Variants in SGCD observed in about 807,000 individuals in gnomAD.
The protein encoded by SGCD is sarcoglycan delta, also known as delta-sarcoglycan.
Under a neutral mutation model 36.6 loss-of-function variants are expected in SGCD, and 18 were observed. The ratio of observed to expected loss-of-function variants is 0.49; its 90% CI spans 0.34 to 0.73. The LOEUF is 0.73. Among genes scored for constraint, SGCD ranks in the 30% least tolerant of loss-of-function variants. The pLI, the probability that SGCD is intolerant of heterozygous loss-of-function variation, is 0.01. For synonymous variants in SGCD, 133 were observed against 130.6 expected, an observed-to-expected ratio of 1.02 and a Z score of -0.12; for missense variants, 387 against 346.7, an observed-to-expected ratio of 1.12 and a Z score of -0.92.
intron 1 of SGCD, among the ~76,000 whole-genome samples, chr5:155,894,853 A>G (rs1756212582): frequency 6.6e-6 from 1 of 152,156 alleles, no homozygotes; most frequent in African/African-American, 2.4e-5. Context: ...TATATATTAC[A>G]ATGTAATAAA....
intron 1 of SGCD, among the ~76,000 whole-genome samples, chr5:155,899,374 A>G (rs1261226213): frequency 6.6e-6 from 1 of 152,202 alleles, no homozygotes; most frequent in East Asian, 1.9e-4. Flanking sequence ...AACAAATTGT[A>G]TCTTAGCTCT....
intron 1 of SGCD, among the ~76,000 whole-genome samples, chr5:155,900,996 C>T (rs1173211888): frequency 1.3e-5 from 2 of 151,958 alleles, no homozygotes; most frequent in African/African-American, 4.8e-5. Flanking sequence ...GCATGTGTCT[C>T]ATATTTCAAA....
chr5:156,050,419 A>G (rs1372982315), intron 1 of SGCD, among the ~76,000 whole-genome samples: 1 of 146,814 alleles, frequency 6.8e-6, no homozygotes, highest in Non-Finnish European at 1.5e-5. Context: ...ATGCTATTGC[A>G]TACTTACAGT....
intron 3 of SGCD, among the ~76,000 whole-genome samples, chr5:156,304,104 G>A (rs976748925): frequency 1.3e-5 from 2 of 152,168 alleles, no homozygotes; most frequent in Middle Eastern, 3.2e-3. Flanking sequence ...GAGCACTTTA[G>A]CCTATAGTGG....
In SGCD at chr5:156,051,190, A is replaced by C. The variant is rs1759907759; in HGVS notation, c.-281-66688A>C. The stretch of plus-strand genomic sequence containing the variant: ...TTGTTATTAAAAACAGAGAGAAACC[A>C]AGGAAGAGAGGGAGGAAAGAAAGGG... On this transcript the variant is annotated intron_variant, in intron 1 of 9. Coordinates refer to the SGCD transcript ENST00000517913. Among the ~76,000 whole-genome samples the C allele has an allele frequency of 2.0e-5, 3 of 146,612 alleles. 1 individual carries two copies. Among genetic ancestry groups the C allele is most frequent in the African/African-American group, 7.4e-5 (3 of 40,776 alleles).
chr5:155,765,004 A>G, the SGCD span, among the ~76,000 whole-genome samples: 2 of 152,274 alleles, frequency 1.3e-5, no homozygotes, highest in East Asian at 1.9e-4. Flanking sequence ...CATGGGTTAA[A>G]CATGTCTAAG....
chr5:155,931,334 A>T (rs1281413611), intron 1 of SGCD, among the ~76,000 whole-genome samples: 1 of 152,200 alleles, frequency 6.6e-6, no homozygotes, highest in Admixed American at 6.5e-5. Context: ...TAAGTATTTT[A>T]TTCAAAATTG....
At chr5:156,729,347 C>G (rs1267391041) in intron 7 of SGCD, among the ~76,000 whole-genome samples, 1 of 152,288 alleles carries the variant, frequency 6.6e-6, no homozygotes. Flanking sequence ...TTAGTTTACT[C>G]TCTATCTCTC....
chr5:156,600,848 A>G (rs796710722), intron 6 of SGCD, among the ~76,000 whole-genome samples: 1 of 151,988 alleles, frequency 6.6e-6, no homozygotes, highest in South Asian at 2.1e-4. Flanking sequence ...TCTTTTGTCT[A>G]TTTGATAATA....
At chr5:156,676,169 C>A (rs1279439024) in intron 7 of SGCD, among the ~76,000 whole-genome samples, 1 of 152,050 alleles carries the variant, frequency 6.6e-6, no homozygotes, top group Non-Finnish European at 1.5e-5. Flanking sequence ...TTAAGTTGTG[C>A]CCCCTTATGA....
At chr5:156,208,751 T>A (rs1764357128) in intron 3 of SGCD, among the ~76,000 whole-genome samples, 1 of 152,200 alleles carries the variant, frequency 6.6e-6, no homozygotes, top group Non-Finnish European at 1.5e-5. Flanking sequence ...GTGCTCTTAG[T>A]TCCGTAAAGA....
chr5:156,484,461 A>G (rs571186340), intron 3 of SGCD, among the ~76,000 whole-genome samples: 13 of 152,370 alleles, frequency 8.5e-5, no homozygotes, highest in East Asian at 1.9e-4. Context: ...GGGTCTTCTC[A>G]GTGCTAAAGC....
At chr5:156,503,434 G>T (rs1008756347) in intron 3 of SGCD, among the ~76,000 whole-genome samples, 2 of 152,140 alleles carry the variant, frequency 1.3e-5, no homozygotes, top group African/African-American at 4.8e-5. Flanking sequence ...ATGGTGTTAG[G>T]CTTAGGATTA....
intron 4 of SGCD, among the ~76,000 whole-genome samples, chr5:156,533,842 T>A (rs1327835638): frequency 6.6e-6 from 1 of 152,226 alleles, no homozygotes; most frequent in Admixed American, 6.5e-5. Context: ...CAAGAACCCA[T>A]AATGATTCTC....
intron 3 of SGCD, among the ~76,000 whole-genome samples, chr5:156,464,194 G>A (rs1754620771): frequency 6.7e-6 from 1 of 148,362 alleles, no homozygotes; most frequent in Non-Finnish European, 1.5e-5. Context: ...GTAAGTGGAA[G>A]AATCTAGGTT....
chr5:155,791,335 C>T, the SGCD span, among the ~76,000 whole-genome samples: 1 of 152,042 alleles, frequency 6.6e-6, no homozygotes, highest in Admixed American at 6.6e-5. Flanking sequence ...AGAACCATTC[C>T]TCTCGAGAAC....
At chr5:156,453,840 A>G (rs1186901038) in intron 3 of SGCD, among the ~76,000 whole-genome samples, 2 of 152,198 alleles carry the variant, frequency 1.3e-5, no homozygotes, top group Admixed American at 6.5e-5. Flanking sequence ...ACACCATTAC[A>G]CTTCATGAAA....
intron 3 of SGCD, among the ~76,000 whole-genome samples, chr5:156,217,394 A>G (rs1165058757): frequency 6.6e-6 from 1 of 152,212 alleles, no homozygotes; most frequent in East Asian, 1.9e-4. Context: ...TCATACCTCT[A>G]TAGATCACCA....
intron 7 of SGCD, among the ~76,000 whole-genome samples, chr5:156,703,725 G>A (rs779682870): frequency 3.3e-5 from 5 of 152,092 alleles, no homozygotes; most frequent in Non-Finnish European, 7.4e-5. Flanking sequence ...TGAAGCCCAG[G>A]AGCAAATGAA....
Sources: allele counts gnomAD v4.1 joint callset (sites outside exome capture counted in the v4.1 genomes callset), GRCh38; gene constraint gnomAD v4.1.1; transcripts MANE v1.5; gene names NCBI Gene and HGNC (gene_info 2026-07-23, HGNC 2026-07-21).